PLCG2: variants seen among roughly 807,000 people sequenced by gnomAD.
PLCG2 encodes phospholipase C gamma 2.
A neutral mutation model predicts 175.6 loss-of-function variants in PLCG2; 69 were observed. The observed-to-expected ratio is 0.39, with a 90% CI of 0.32 to 0.48. The LOEUF is 0.48. Ranked by LOEUF, PLCG2 falls within the 20% of genes least tolerant of loss-of-function variation. The pLI, the probability that PLCG2 is intolerant of heterozygous loss-of-function variation, is 0.91. For synonymous variants in PLCG2, 827 were observed against 624.0 expected, an observed-to-expected ratio of 1.33 and a Z score of -4.85; for missense variants, 1,798 against 1,650.9, an observed-to-expected ratio of 1.09 and a Z score of -1.54.
intron 7 of PLCG2, 40 bp downstream of exon 7, chr16:81,870,975 GT>G: frequency 8.9e-7 from 1 of 1,125,052 alleles, no homozygotes; most frequent in Non-Finnish European, 1.3e-6. Context: ...TGATGTTTCT[GT>G]TTTCCATGTA....
At position 81,831,184 on chromosome 16, in the gene PLCG2, C is replaced by A. The variant is rs1329410511; in HGVS notation, c.194-23260C>A. Among the ~76,000 whole-genome samples, 4 of 152,182 alleles carry A rather than the reference C, an allele frequency of 2.6e-5. No individual in the cohort carries two copies. In the East Asian group the frequency reaches 7.7e-4, roughly 29 times the overall value. On this transcript the variant is annotated intron_variant, in intron 2 of 32. Transcript: ENST00000564138. ...TTAGTTTTTGTAGCACTTGTGATTG[C>A]CAAGTGTAATAAATATTGACTTGTC...
chr16:81,760,357 G>T (rs1910012270), intron 2 of PLCG2, among the ~76,000 whole-genome samples: 1 of 152,074 alleles, frequency 6.6e-6, no homozygotes, highest in African/African-American at 2.4e-5. Context: ...CCAGATACCA[G>T]GTGTTTCTGC....
At chr16:81,789,573 A>G (rs1176316728) in intron 2 of PLCG2, among the ~76,000 whole-genome samples, 3 of 152,214 alleles carry the variant, frequency 2.0e-5, no homozygotes, top group African/African-American at 7.2e-5. Flanking sequence ...ACAGACAGGA[A>G]CTACCATGCC....
At position 81,826,501 on chromosome 16, in the gene PLCG2, A is replaced by G. The variant is rs547073369; in HGVS notation, c.194-27943A>G. ...TCACTGATAAAATCGCAATAATAGT[A>G]GGACCTATCTCACAGCAGTGTTTTA... is the stretch of plus-strand genomic sequence containing the variant. On this transcript the variant is annotated intron_variant, in intron 2 of 32. Coordinates refer to ENST00000564138, the MANE Select transcript of PLCG2 (RefSeq NM_002661.5). 9.3e-4 allele frequency among the ~76,000 whole-genome samples: 141 copies of G among 152,324 alleles called. 1 individual carries two copies. The highest frequency in any genetic ancestry group is 3.1e-3 in the African/African-American group (130 of 41,562).
At chr16:81,750,772 A>G (rs1304912579) in intron 1 of PLCG2, among the ~76,000 whole-genome samples, 4 of 138,356 alleles carry the variant, frequency 2.9e-5, no homozygotes, top group East Asian at 2.4e-4. Context: ...GGTTCATGCC[A>G]TTCTCCTGCC....
Position 81,925,983 on chromosome 16 carries a change from G to T in PLCG2, c.2418-1099G>T, listed in dbSNP as rs146530022. ...ATAAGATGTGGCTGCTTGGATGACTGTGGGGACAGGATGCCAGGGGACCAC... is the reference window on the plus strand; with the variant it reads ...ATAAGATGTGGCTGCTTGGATGACTTTGGGGACAGGATGCCAGGGGACCAC... On this transcript the variant is annotated intron_variant, in intron 22 of 32. Coordinates refer to ENST00000564138, the MANE Select transcript of PLCG2 (RefSeq NM_002661.5). 7.1e-3 allele frequency among the ~76,000 whole-genome samples: 1,076 copies of T among 152,328 alleles called. 15 individuals carry two copies. Among genetic ancestry groups the T allele is most frequent in the African/African-American group, 0.025 (1,020 of 41,570 alleles).
chr16:81,929,956 T>A (rs546495955), intron 24 of PLCG2, among the ~76,000 whole-genome samples: 1 of 152,122 alleles, frequency 6.6e-6, no homozygotes, highest in East Asian at 1.9e-4. Context: ...AATCTTGGAG[T>A]CAGGTTTGAA....
chr16:81,741,103 C>T (rs2143042020), intron 1 of PLCG2, among the ~76,000 whole-genome samples: 1 of 152,278 alleles, frequency 6.6e-6, no homozygotes, highest in Non-Finnish European at 1.5e-5. Flanking sequence ...CACCTGCTGC[C>T]CCGACATCCA....
intron 1 of PLCG2, among the ~76,000 whole-genome samples, chr16:81,782,696 C>T (rs55848326): frequency 0.34 from 52,189 of 152,012 alleles, 9,276 homozygotes; most frequent in East Asian, 0.53. Context: ...GGAAGTTTTT[C>T]TCTTCAGTGC....
At chr16:81,939,112 G>C (rs1910834908) in intron 29 of PLCG2, among the ~76,000 whole-genome samples, 197 bp downstream of exon 29, 1 of 152,130 alleles carries the variant, frequency 6.6e-6, no homozygotes, top group African/African-American at 2.4e-5. Flanking sequence ...ACTTTCCCCA[G>C]TGCTGTTTGC....
At chr16:81,908,138 C>G (rs1696440964) in intron 16 of PLCG2, among the ~76,000 whole-genome samples, 3 of 152,346 alleles carry the variant, frequency 2.0e-5, no homozygotes, top group African/African-American at 7.2e-5. Flanking sequence ...GGCTCTCAGA[C>G]TTCCCATAGA....
chr16:81,954,920 C>T (rs1046984499), intron 31 of PLCG2, among the ~76,000 whole-genome samples: 1 of 152,196 alleles, frequency 6.6e-6, no homozygotes, highest in African/African-American at 2.4e-5. Context: ...ACCATACTGT[C>T]TTCCACAATG....
At chr16:81,811,699 TCATCCTTTTTTATGGTTG>T (rs748758249) in intron 2 of PLCG2, among the ~76,000 whole-genome samples, 1 of 152,192 alleles carries the variant, frequency 6.6e-6, no homozygotes, top group Non-Finnish European at 1.5e-5. Flanking sequence ...GGACATGAGC[TCATCCTTTTTTATGGTTG>T]CATAGTATTC....
chr16:81,820,813 G>T lies in PLCG2; in HGVS notation c.194-33631G>T, dbSNP rs1186433650. Among the ~76,000 whole-genome samples the T allele has an allele frequency of 2.6e-5, 4 of 150,976 alleles. No individual in the cohort carries two copies. The East Asian group carries it at 5.8e-4, about 22-fold the overall frequency. On this transcript the variant is annotated intron_variant, in intron 2 of 32. Transcript: ENST00000564138. ...TTTTTGTATTTTTAGTAGAGGCAGGGTCTCATCATGTTGGCTAGGCTAGTC... is the reference window on the plus strand; with the variant it reads ...TTTTTGTATTTTTAGTAGAGGCAGGTTCTCATCATGTTGGCTAGGCTAGTC...
intron 2 of PLCG2, among the ~76,000 whole-genome samples, chr16:81,813,298 C>G (rs1904399308): frequency 6.6e-6 from 1 of 152,184 alleles, no homozygotes; most frequent in South Asian, 2.1e-4. Context: ...GCTTCCTGTC[C>G]ATGAGCATGG....
In PLCG2 at chr16:81,869,454, A is replaced by G. The variant is rs185747646; in HGVS notation, c.564+156A>G. Among the ~76,000 whole-genome samples, 523 of 152,306 alleles carry G rather than the reference A, an allele frequency of 3.4e-3. 9 individuals carry two copies. The highest frequency in any genetic ancestry group is 5.2e-3 in the East Asian group (27 of 5,182). ...TAGTTCAGACAGAGGGATCATGGACATATCTGAGGACCATCGTCTCAATCC... is the reference window on the plus strand; with the variant it reads ...TAGTTCAGACAGAGGGATCATGGACGTATCTGAGGACCATCGTCTCAATCC... On this transcript the variant is annotated intron_variant, in intron 6 of 32. Transcript: ENST00000564138.
chr16:81,910,804 G>A (rs1020065652), intron 18 of PLCG2, 84 bp downstream of exon 18: 10 of 1,309,444 alleles, frequency 7.6e-6, no homozygotes, highest in African/African-American at 4.3e-5. Context: ...TGGTTCAGCC[G>A]GGCCAGTCCC....
Position 81,956,880 on chromosome 16 carries a change from G to A in PLCG2, c.3755+1G>A. On this transcript the variant is annotated splice_donor_variant, in intron 32 of 32. Transcript: ENST00000564138. LOFTEE classifies it high-confidence loss of function. ...TGTACCAGGAGAAATGCAACAAGAG[G>A]TAGGTCAGCCCCTCCACCTGCAAAA... 6.2e-7 allele frequency: 1 copy of A among 1,612,652 alleles called. No individual in the cohort carries two copies. Among genetic ancestry groups the A allele is most frequent in the Admixed American group, 1.7e-5 (1 of 59,962 alleles).
At chr16:81,846,086 C>T (rs532425507) in intron 2 of PLCG2, among the ~76,000 whole-genome samples, 1 of 152,332 alleles carries the variant, frequency 6.6e-6, no homozygotes, top group South Asian at 2.1e-4. Flanking sequence ...CAGGCTTGTG[C>T]TCCATTTCCC....
Sources: gnomAD v4.1 joint callset for allele counts (sites outside exome capture counted in the v4.1 genomes callset) on GRCh38, gnomAD v4.1.1 for gene constraint, MANE v1.5 for transcripts, NCBI Gene and HGNC (gene_info 2026-07-23, HGNC 2026-07-21) for gene names.